ADAMTS17: variants seen among roughly 807,000 people sequenced by gnomAD.
ADAMTS17 encodes the protein ADAM metallopeptidase with thrombospondin type 1 motif 17, also known as A disintegrin and metalloproteinase with thrombospondin motifs 17.
In ADAMTS17, 113 loss-of-function variants were observed where a neutral mutation model predicts 141.5. The ratio of observed to expected loss-of-function variants is 0.80; its 90% CI spans 0.69 to 0.93. ADAMTS17 has a LOEUF of 0.93. ADAMTS17 is among the 40% of genes least tolerant of loss of function. ADAMTS17 has a pLI of 0.00. For synonymous variants in ADAMTS17, 768 were observed against 630.6 expected (o/e 1.22, Z -3.27); for missense variants, 1,659 against 1,517.9 (o/e 1.09, Z -1.54).
rs966036884 is a variant in ADAMTS17 at position 100,127,311 on chromosome 15, G to T, written c.1721+4696C>A. Among the ~76,000 whole-genome samples, 5 of 152,142 alleles carry T rather than the reference G, an allele frequency of 3.3e-5. No homozygotes were observed. The East Asian group carries it at 5.8e-4, about 18-fold the overall frequency. ...AATCCAATGACAAGCGTTCTTCCAA[G>T]GGAAGAAAAGGTGAGAGGACACACA... On this transcript the variant is annotated intron_variant, in intron 12 of 21. Coordinates refer to ENST00000268070, the MANE Select transcript of ADAMTS17 (RefSeq NM_139057.4).
At chr15:100,262,513 T>C in intron 4 of ADAMTS17, 78 bp from the exon 5 acceptor site, 1 of 1,060,988 alleles carries the variant, frequency 9.4e-7, no homozygotes, top group Non-Finnish European at 1.4e-6. Context: ...GATGGGAACT[T>C]GGGACACAGA....
intron 3 of ADAMTS17, among the ~76,000 whole-genome samples, chr15:100,298,299 G>A (rs1454405275): frequency 6.6e-6 from 1 of 152,110 alleles, no homozygotes; most frequent in East Asian, 1.9e-4. Flanking sequence ...TCCCCTTCCA[G>A]CCACATTTGA....
intron 8 of ADAMTS17, among the ~76,000 whole-genome samples, chr15:100,185,587 T>G (rs1040894243): frequency 2.6e-5 from 4 of 152,238 alleles, no homozygotes; most frequent in African/African-American, 9.6e-5. Context: ...CACTTCCCAT[T>G]GCTTCTAAAG....
intron 3 of ADAMTS17, 88 bp downstream of exon 3, chr15:100,330,801 C>A: frequency 2.6e-6 from 4 of 1,537,202 alleles, no homozygotes; most frequent in Non-Finnish European, 3.6e-6. Context: ...TAAGTTCTCA[C>A]TCATGTGGCT....
intron 20 of ADAMTS17, among the ~76,000 whole-genome samples, chr15:99,977,283 G>A (rs1596134154): frequency 7.1e-6 from 1 of 141,674 alleles, no homozygotes; most frequent in African/African-American, 2.7e-5. Context: ...TTGAGCAGAG[G>A]CCCCCAAATT....
At chr15:100,133,374 C>T in intron 10 of ADAMTS17, 59 bp from the exon 11 acceptor site, 1 of 1,519,460 alleles carries the variant, frequency 6.6e-7, no homozygotes, top group Non-Finnish European at 8.9e-7. Context: ...CAGGTCACAG[C>T]TGGGGTCAGA....
Position 100,262,820 on chromosome 15 carries a change from T to C in ADAMTS17, c.790-385A>G, listed in dbSNP as rs144708259. Among the ~76,000 whole-genome samples the C allele has an allele frequency of 3.8e-3, 576 of 149,874 alleles. 4 individuals carry two copies. Among genetic ancestry groups the C allele is most frequent in the African/African-American group, 0.013 (521 of 40,876 alleles). Reference sequence around the variant, plus strand: ...AAACAAAAAACCTAAAGAATAATTATGTGAAATTCAAATGTCAGTGTCCAT... The same window carrying C: ...AAACAAAAAACCTAAAGAATAATTACGTGAAATTCAAATGTCAGTGTCCAT... On this transcript the variant is annotated intron_variant, in intron 4 of 21. Transcript: ENST00000268070.
chr15:100,268,244 G>A (rs772861298), intron 4 of ADAMTS17, among the ~76,000 whole-genome samples: 4 of 152,170 alleles, frequency 2.6e-5, no homozygotes, highest in East Asian at 1.9e-4. Context: ...TATTGTGAAC[G>A]GTGCTGTAAT....
rs1195937178 is a variant in ADAMTS17, at chr15:99,971,629, A to G, written c.*2773T>C. The G allele has an allele frequency of 6.6e-6, 1 of 152,254 alleles. No homozygotes were observed. Among genetic ancestry groups the G allele is most frequent in the African/African-American group, 2.4e-5 (1 of 41,458 alleles). 9.4% of individuals were successfully genotyped at this position (152,254 alleles called of 1,614,324 possible). ...TAATGCAAGTTAACGAATGGAAAAT[A>G]GATACATTTGACTCTGAAACGAAAA... is the stretch of plus-strand genomic sequence containing the variant. On this transcript the variant is annotated 3_prime_UTR_variant, in exon 22 of 22. Coordinates refer to ENST00000268070, the MANE Select transcript of ADAMTS17 (RefSeq NM_139057.4).
intron 18 of ADAMTS17, among the ~76,000 whole-genome samples, chr15:100,035,084 A>G (rs1225802329): frequency 6.6e-6 from 1 of 152,204 alleles, no homozygotes; most frequent in African/African-American, 2.4e-5. Context: ...CACTTGGAAC[A>G]TTTGTAAAAA....
At chr15:100,169,496 C>T (rs2040078750) in intron 8 of ADAMTS17, among the ~76,000 whole-genome samples, 1 of 152,164 alleles carries the variant, frequency 6.6e-6, no homozygotes, top group African/African-American at 2.4e-5. Flanking sequence ...ATTATTATTC[C>T]ACTTCACAGA....
At chr15:100,252,175 T>C (rs574879044) in intron 7 of ADAMTS17, among the ~76,000 whole-genome samples, 7 of 152,314 alleles carry the variant, frequency 4.6e-5, no homozygotes, top group Admixed American at 3.3e-4. Flanking sequence ...GAGAAAGCTT[T>C]TATATATTCA....
intron 4 of ADAMTS17, among the ~76,000 whole-genome samples, chr15:100,273,981 G>C (rs1353451578): frequency 6.6e-6 from 1 of 152,058 alleles, no homozygotes. Context: ...ACAAATTTGT[G>C]AATTTTCCAG....
In ADAMTS17 at chr15:100,277,681, C is replaced by T. The variant is rs561718441; in HGVS notation, c.789+3548G>A. Among the ~76,000 whole-genome samples, 173 of 152,298 alleles carry T rather than the reference C, an allele frequency of 1.1e-3. 1 individual carries two copies. The highest frequency in any genetic ancestry group is 6.0e-3 in the East Asian group (31 of 5,174). On this transcript the variant is annotated intron_variant, in intron 4 of 21. Transcript: ENST00000268070. Reference sequence around the variant, plus strand: ...CCGGGGAGACGTGGGTTTGTGCACACGAGGAACACGGAACTATTTCTCAGA... The same window carrying T: ...CCGGGGAGACGTGGGTTTGTGCACATGAGGAACACGGAACTATTTCTCAGA...
chr15:99,987,940 G>C (rs1808535956), intron 20 of ADAMTS17, among the ~76,000 whole-genome samples: 1 of 151,894 alleles, frequency 6.6e-6, no homozygotes, highest in Admixed American at 6.6e-5. Flanking sequence ...GCCCCCACTG[G>C]CATGCTCCTG....
At chr15:100,315,335 C>A (rs561452913) in intron 3 of ADAMTS17, among the ~76,000 whole-genome samples, 10 of 152,308 alleles carry the variant, frequency 6.6e-5, no homozygotes, top group African/African-American at 2.4e-4. Flanking sequence ...CCAGGGAACA[C>A]TGCAGGGAAA....
intron 3 of ADAMTS17, among the ~76,000 whole-genome samples, chr15:100,286,824 G>A (rs1380525192): frequency 6.6e-6 from 1 of 152,098 alleles, no homozygotes; most frequent in Non-Finnish European, 1.5e-5. Flanking sequence ...ACAGAATTCA[G>A]AATATGGAGA....
intron 4 of ADAMTS17, among the ~76,000 whole-genome samples, chr15:100,264,782 G>A (rs1340314731): frequency 1.3e-5 from 2 of 152,032 alleles, no homozygotes; most frequent in Non-Finnish European, 2.9e-5. Flanking sequence ...GATGGAAGGG[G>A]GATGGGAAAG....
chr15:100,244,593 G>A (rs528525560), intron 7 of ADAMTS17, among the ~76,000 whole-genome samples: 41 of 152,060 alleles, frequency 2.7e-4, no homozygotes, highest in East Asian at 1.2e-3. Context: ...GCCTGTCCCC[G>A]CTTCTCATGG....
Sources: allele counts gnomAD v4.1 joint callset (sites outside exome capture counted in the v4.1 genomes callset), GRCh38; gene constraint gnomAD v4.1.1; transcripts MANE v1.5; gene names NCBI Gene and HGNC (gene_info 2026-07-23, HGNC 2026-07-21).